The following KCNIP4 variants were observed in gnomAD, a reference collection of about 807,000 sequenced individuals.
KCNIP4 encodes the protein Kv channel-interacting protein 4.
A neutral mutation model predicts 34.0 loss-of-function variants in KCNIP4; 12 were observed. The observed-to-expected ratio is 0.35, with a 90% confidence interval of 0.23 to 0.57. KCNIP4 has a LOEUF of 0.57. Among genes scored for constraint, KCNIP4 ranks in the 20% least tolerant of loss-of-function variants. The probability of loss-of-function intolerance (pLI) is 0.83; values close to 1 mark genes in which losing one functional copy is unlikely to be tolerated. For missense variants in KCNIP4, 238 were observed against 311.7 expected, an observed-to-expected ratio of 0.76 and a Z score of 1.78; for synonymous variants, 124 against 102.2, an observed-to-expected ratio of 1.21 and a Z score of -1.29.
At position 21,039,966 on chromosome 4, in the gene KCNIP4, T is replaced by TA. The variant is rs201678633; in HGVS notation, c.62-157258dup. Among the ~76,000 whole-genome samples, 767 of 152,262 alleles carry TA rather than the reference T, an allele frequency of 5.0e-3. 4 individuals are homozygous for TA. Among genetic ancestry groups the TA allele is most frequent in the African/African-American group, 0.016 (671 of 41,564 alleles). ...ATGGCTGGGGAGGCCTCAGGAAACTTACAATCAAGGTGGAAGGGGAAGAGC... is the reference window on the plus strand; with the variant it reads ...ATGGCTGGGGAGGCCTCAGGAAACTTAACAATCAAGGTGGAAGGGGAAGAGC... On this transcript the variant is annotated intron_variant, in intron 1 of 8. Coordinates refer to ENST00000382152, the MANE Select transcript of KCNIP4 (RefSeq NM_025221.6).
chr4:21,629,496 T>A (rs1003883621), intron 1 of KCNIP4, among the ~76,000 whole-genome samples: 6 of 152,170 alleles, frequency 3.9e-5, no homozygotes, highest in African/African-American at 1.2e-4. Context: ...TAGAGTCCAA[T>A]TCACTGCTAG....
intron 1 of KCNIP4, among the ~76,000 whole-genome samples, chr4:20,955,879 C>T (rs1195581681): frequency 1.3e-5 from 2 of 152,082 alleles, no homozygotes. Flanking sequence ...TTTAATTTTA[C>T]TTCAGAGCAA....
chr4:20,961,125 A>G (rs1168155846), intron 1 of KCNIP4, among the ~76,000 whole-genome samples: 1 of 152,216 alleles, frequency 6.6e-6, no homozygotes, highest in Non-Finnish European at 1.5e-5. Context: ...AGGCCTAAGG[A>G]AAAGGAAAAT....
At chr4:20,798,280 A>T (rs1411669583) in intron 3 of KCNIP4, among the ~76,000 whole-genome samples, 1 of 152,254 alleles carries the variant, frequency 6.6e-6, no homozygotes, top group African/African-American at 2.4e-5. Flanking sequence ...GAAAGTTGTG[A>T]AAGCTTTAAA....
At chr4:21,898,899 G>T (rs1430769920) in intron 1 of KCNIP4, among the ~76,000 whole-genome samples, 42 of 152,124 alleles carry the variant, frequency 2.8e-4, no homozygotes, top group Admixed American at 2.8e-3. Flanking sequence ...CCTGCCCAGG[G>T]CCAGAGGGAA....
At chr4:21,605,721 T>C (rs1215748280) in intron 1 of KCNIP4, among the ~76,000 whole-genome samples, 1 of 152,114 alleles carries the variant, frequency 6.6e-6, no homozygotes, top group East Asian at 1.9e-4. Context: ...CCTCAGGTGA[T>C]CGCCTACCTC....
intron 1 of KCNIP4, among the ~76,000 whole-genome samples, chr4:21,442,280 G>T (rs1392019151): frequency 1.3e-5 from 2 of 152,122 alleles, no homozygotes; most frequent in Non-Finnish European, 2.9e-5. Context: ...CCTAGCACTT[G>T]TGGTTCATCA....
At chr4:21,684,284 CT>C (rs1313962321) in intron 1 of KCNIP4, among the ~76,000 whole-genome samples, 2 of 152,114 alleles carry the variant, frequency 1.3e-5, no homozygotes, top group Non-Finnish European at 2.9e-5. Context: ...GACTACTTTT[CT>C]TATTCTAAAT....
intron 1 of KCNIP4, among the ~76,000 whole-genome samples, chr4:21,925,157 A>G (rs1415029147): frequency 6.6e-6 from 1 of 152,028 alleles, no homozygotes; most frequent in African/African-American, 2.4e-5. Context: ...ATACGTATAC[A>G]TGTGCCATGT....
At chr4:21,072,751 T>A (rs575728528) in intron 1 of KCNIP4, among the ~76,000 whole-genome samples, 1 of 152,050 alleles carries the variant, frequency 6.6e-6, no homozygotes, top group Non-Finnish European at 1.5e-5. Flanking sequence ...ATTGCCTAGG[T>A]TTTCTCCTAG....
At chr4:21,150,598 G>A (rs1272330317) in intron 1 of KCNIP4, among the ~76,000 whole-genome samples, 3 of 152,134 alleles carry the variant, frequency 2.0e-5, no homozygotes, top group Non-Finnish European at 4.4e-5. Flanking sequence ...AAGCATAAAG[G>A]GAGCAAGAAA....
chr4:21,443,874 A>G (rs1488436053), intron 1 of KCNIP4, among the ~76,000 whole-genome samples: 3 of 152,150 alleles, frequency 2.0e-5, no homozygotes, highest in Non-Finnish European at 4.4e-5. Context: ...TTGAAGCTGC[A>G]GTGAGTCATT....
intron 1 of KCNIP4, among the ~76,000 whole-genome samples, chr4:21,068,054 G>A (rs1744563558): frequency 6.6e-6 from 1 of 152,096 alleles, no homozygotes; most frequent in Non-Finnish European, 1.5e-5. Flanking sequence ...GGATATCTCA[G>A]TATGTTCTCA....
intron 1 of KCNIP4, among the ~76,000 whole-genome samples, chr4:20,973,862 T>C (rs1411440567): frequency 6.6e-6 from 1 of 152,178 alleles, no homozygotes; most frequent in Non-Finnish European, 1.5e-5. Context: ...AAGTTTGGAA[T>C]CTTACATGGA....
chr4:20,751,196 T>C (rs562010652), intron 4 of KCNIP4, among the ~76,000 whole-genome samples: 1 of 152,324 alleles, frequency 6.6e-6, no homozygotes, highest in East Asian at 1.9e-4. Context: ...CTACTTATCT[T>C]TGAACACAGG....
chr4:21,884,448 G>A (rs539084895), intron 1 of KCNIP4, among the ~76,000 whole-genome samples: 3 of 151,986 alleles, frequency 2.0e-5, no homozygotes, highest in East Asian at 1.9e-4. Context: ...GCCTGGTCTC[G>A]GCACAGTAGT....
intron 3 of KCNIP4, among the ~76,000 whole-genome samples, chr4:20,848,693 A>T (rs1337483310): frequency 2.5e-4 from 38 of 152,128 alleles, no homozygotes; most frequent in Admixed American, 2.4e-3. Flanking sequence ...CGGGGATGGC[A>T]TTGGAATAAT....
chr4:21,565,208 G>C (rs1018431089), intron 1 of KCNIP4, among the ~76,000 whole-genome samples: 6 of 152,120 alleles, frequency 3.9e-5, no homozygotes, highest in African/African-American at 1.4e-4. Context: ...AAGACCAAGG[G>C]GCTGGCTAAT....
chr4:21,816,589 C>A (rs1259197296), intron 1 of KCNIP4, among the ~76,000 whole-genome samples: 2 of 152,128 alleles, frequency 1.3e-5, no homozygotes, highest in Non-Finnish European at 2.9e-5. Flanking sequence ...GTACACAGCA[C>A]CACCTTTGTT....
Sources: gnomAD v4.1 joint callset for allele counts (sites outside exome capture counted in the v4.1 genomes callset) on GRCh38, gnomAD v4.1.1 for gene constraint, MANE v1.5 for transcripts, NCBI Gene and HGNC (gene_info 2026-07-23, HGNC 2026-07-21) for gene names.